Variants in GATAD2B observed in about 807,000 individuals in gnomAD.
GATAD2B encodes transcriptional repressor p66-beta.
In GATAD2B, 8 loss-of-function variants were observed where a neutral mutation model predicts 64.3. The observed-to-expected ratio is 0.12, with a 90% CI of 0.07 to 0.22. The LOEUF (loss-of-function observed/expected upper bound fraction) is 0.22, where lower values mean the gene tolerates loss of function less well. Among genes scored for constraint, GATAD2B ranks in the 10% least tolerant of loss-of-function variants. The probability of loss-of-function intolerance (pLI) is 1.00; values close to 1 mark genes in which losing one functional copy is unlikely to be tolerated. For synonymous variants in GATAD2B, 281 were observed against 271.3 expected, an observed-to-expected ratio of 1.04 and a Z score of -0.35; for missense variants, 453 against 752.0, an observed-to-expected ratio of 0.60 and a Z score of 4.65.
intron 1 of GATAD2B, among the ~76,000 whole-genome samples, chr1:153,858,383 T>C (rs1490855741): frequency 6.6e-6 from 1 of 152,054 alleles, no homozygotes; most frequent in Non-Finnish European, 1.5e-5. Flanking sequence ...AAACCCCATG[T>C]CTACAAAAAA....
At chr1:153,895,333 C>CAA (rs771122915) in intron 1 of GATAD2B, among the ~76,000 whole-genome samples, 5 of 117,014 alleles carry the variant, frequency 4.3e-5, no homozygotes, top group African/African-American at 9.2e-5. Context: ...GACTCCATCT[C>CAA]AAAAAAAAAA....
At chr1:153,907,637 A>ATTT (rs531249482) in intron 1 of GATAD2B, among the ~76,000 whole-genome samples, 3 of 141,774 alleles carry the variant, frequency 2.1e-5, no homozygotes, top group African/African-American at 5.2e-5. Context: ...AAAAGGGTAA[A>ATTT]TTTTTTTTTT....
chr1:153,830,254 T>C (rs1467585639), intron 1 of GATAD2B, among the ~76,000 whole-genome samples: 1 of 151,606 alleles, frequency 6.6e-6, no homozygotes, highest in Non-Finnish European at 1.5e-5. Context: ...TCAAAGCAAT[T>C]CTCCTGCCTC....
At chr1:153,819,820 C>T (rs1427660937) in intron 2 of GATAD2B, 85 bp from the exon 3 acceptor site, 22 of 1,243,002 alleles carry the variant, frequency 1.8e-5, no homozygotes, top group South Asian at 4.6e-5. Flanking sequence ...CAAGGGGGGC[C>T]GGGTGCGGTG....
In GATAD2B at chr1:153,813,406, G is replaced by A. The variant is rs147494785; in HGVS notation, c.1263C>T (p.Ala421=). Residue 421 remains alanine, a synonymous_variant, in exon 8 of 11, where the codon GCC becomes GCT. Coordinates refer to ENST00000368655, the MANE Select transcript of GATAD2B (RefSeq NM_020699.4). The part of the protein sequence containing the change: ...SLLRVEPFVC[A]QCRTDFTPHW... ...GAGGGGTGAAATCTGTGCGGCACTG[G>A]GCACATACAAAGGGTTCAACCCGCA... is the stretch of plus-strand genomic sequence containing the variant. 49 of 1,613,848 alleles carry A rather than the reference G, an allele frequency of 3.0e-5. No homozygotes were observed. The highest frequency in any genetic ancestry group is 3.6e-5 in the Non-Finnish European group (43 of 1,179,932).
intron 2 of GATAD2B, among the ~76,000 whole-genome samples, chr1:153,826,065 GCAA>G (rs1243970095): frequency 3.1e-4 from 47 of 151,642 alleles, no homozygotes; most frequent in African/African-American, 1.1e-3. Flanking sequence ...GTGCAGTGGA[GCAA>G]TCGCGGCTCA....
rs780937508 is a variant in GATAD2B, at chr1:153,828,368, A to G, written c.-1-20T>C. Reference sequence around the variant, plus strand: ...TCCATCCTATGGAAAGAAAAATACAAGTAAGATCAGAATAAAGTCCCTTAA... The same window carrying G: ...TCCATCCTATGGAAAGAAAAATACAGGTAAGATCAGAATAAAGTCCCTTAA... On this transcript the variant is annotated intron_variant, in intron 1 of 10. Transcript: ENST00000368655. The G allele has an allele frequency of 1.9e-6, 3 of 1,581,410 alleles. No individual in the cohort carries two copies. The highest frequency in any genetic ancestry group is 2.2e-5 in the East Asian group (1 of 44,738).
chr1:153,897,320 C>T (rs1249708162), intron 1 of GATAD2B, among the ~76,000 whole-genome samples: 5 of 152,162 alleles, frequency 3.3e-5, no homozygotes, highest in Non-Finnish European at 7.4e-5. Context: ...TGAGCCACTG[C>T]GCCTGGCCAA....
At chr1:153,885,863 CAAAAAA>C (rs778577435) in intron 1 of GATAD2B, among the ~76,000 whole-genome samples, 2 of 53,678 alleles carry the variant, frequency 3.7e-5, no homozygotes. Flanking sequence ...ACTCCGTCTC[CAAAAAA>C]AAAAAAAAAA....
At chr1:153,887,171 A>C (rs1677209000) in intron 1 of GATAD2B, among the ~76,000 whole-genome samples, 1 of 152,224 alleles carries the variant, frequency 6.6e-6, no homozygotes, top group South Asian at 2.1e-4. Context: ...ACTGGTCAAA[A>C]GAAAACATCA....
intron 1 of GATAD2B, among the ~76,000 whole-genome samples, chr1:153,884,542 C>A (rs1031897923): frequency 6.6e-6 from 1 of 152,144 alleles, no homozygotes; most frequent in Non-Finnish European, 1.5e-5. Context: ...GATGACGCTG[C>A]AGTGAGCCGA....
intron 1 of GATAD2B, among the ~76,000 whole-genome samples, chr1:153,867,598 G>A (rs1053971097): frequency 6.6e-6 from 1 of 151,818 alleles, no homozygotes; most frequent in Admixed American, 6.6e-5. Context: ...GCTCACGTGA[G>A]CCTGTAATCC....
chr1:153,805,859 C>T lies in GATAD2B; in HGVS notation c.*4318G>A, dbSNP rs952737234. On this transcript the variant is annotated 3_prime_UTR_variant, in exon 11 of 11. Transcript: ENST00000368655. ...TGTGTTGGTGGTTCTTTTTACTCTA[C>T]AAAGTCCTGGACCAGGAGGTCTTGG... 2 of 152,336 alleles carry T rather than the reference C, an allele frequency of 1.3e-5. No individual in the cohort carries two copies. Among genetic ancestry groups the T allele is most frequent in the Non-Finnish European group, 1.5e-5 (1 of 68,060 alleles). The allele number at this position is 152,336 out of a possible 1,614,324, so 9.4% of individuals were successfully genotyped here. A position where few individuals can be genotyped will look rare whatever the true frequency, so the allele number is the denominator to read the frequency against.
At chr1:153,819,476 T>A in intron 3 of GATAD2B, 130 bp downstream of exon 3, 1 of 638,104 alleles carries the variant, frequency 1.6e-6, no homozygotes, top group Non-Finnish European at 2.6e-6. Flanking sequence ...CAAGAGTTAC[T>A]ATAAAGTTTT....
At chr1:153,823,033 C>A (rs1674737782) in intron 2 of GATAD2B, among the ~76,000 whole-genome samples, 1 of 152,194 alleles carries the variant, frequency 6.6e-6, no homozygotes, top group Admixed American at 6.5e-5. Flanking sequence ...GATTCTCCTG[C>A]CTTGGCCTCC....
chr1:153,880,013 T>C (rs1380732062), intron 1 of GATAD2B, among the ~76,000 whole-genome samples: 1 of 152,102 alleles, frequency 6.6e-6, no homozygotes, highest in African/African-American at 2.4e-5. Flanking sequence ...ATTTTGATAA[T>C]ATCATACTAA....
intron 1 of GATAD2B, among the ~76,000 whole-genome samples, chr1:153,873,064 C>T (rs566659227): frequency 2.0e-5 from 3 of 151,918 alleles, no homozygotes; most frequent in African/African-American, 4.8e-5. Context: ...GTTACCCTAA[C>T]GTTTTAATCA....
At chr1:153,873,722 T>C (rs978653027) in intron 1 of GATAD2B, among the ~76,000 whole-genome samples, 2 of 152,172 alleles carry the variant, frequency 1.3e-5, no homozygotes, top group African/African-American at 4.8e-5. Flanking sequence ...GGTGGATATA[T>C]TGCTTGAGTA....
rs530833811 is a variant in GATAD2B, at chr1:153,884,819, C to T, written c.-2+37914G>A. 1.3e-3 allele frequency among the ~76,000 whole-genome samples: 191 copies of T among 151,532 alleles called. 1 individual carries two copies. Among genetic ancestry groups the T allele is most frequent in the African/African-American group, 4.1e-3 (168 of 41,028 alleles). On this transcript the variant is annotated intron_variant, in intron 1 of 10. Coordinates refer to ENST00000368655, the MANE Select transcript of GATAD2B (RefSeq NM_020699.4). ...GTTGCCCAGCTGGAGTGCAATGGTG[C>T]GATCTCAGCTCACTGCAACCTCTGC... is the stretch of plus-strand genomic sequence containing the variant.
Sources: allele counts gnomAD v4.1 joint callset (sites outside exome capture counted in the v4.1 genomes callset), GRCh38; gene constraint gnomAD v4.1.1; transcripts MANE v1.5; gene names NCBI Gene and HGNC (gene_info 2026-07-23, HGNC 2026-07-21).